Variants in AGBL4 observed in about 807,000 individuals in gnomAD.
The protein encoded by AGBL4 is AGBL carboxypeptidase 4, also known as cytosolic carboxypeptidase 6.
AGBL4 carries 58 observed loss-of-function variants against 66.4 expected under a neutral mutation model. The observed-to-expected ratio is 0.87, with a 90% CI of 0.71 to 1.09. AGBL4 has a LOEUF of 1.09. Among genes scored for constraint, AGBL4 ranks in the 50% least tolerant of loss-of-function variants. The probability of loss-of-function intolerance (pLI) is 0.00; values close to 1 mark genes in which losing one functional copy is unlikely to be tolerated. For synonymous variants in AGBL4, 234 were observed against 222.9 expected (o/e 1.05, Z -0.44); for missense variants, 579 against 631.0 (o/e 0.92, Z 0.88).
chr1:49,267,392 T>C (rs1298193266), intron 3 of AGBL4, among the ~76,000 whole-genome samples: 2 of 152,110 alleles, frequency 1.3e-5, no homozygotes, highest in Non-Finnish European at 2.9e-5. Context: ...GATAAAGACA[T>C]ACCCAAGGCG....
chr1:49,595,396 G>C (rs1191395713), intron 3 of AGBL4, among the ~76,000 whole-genome samples: 1 of 151,858 alleles, frequency 6.6e-6, no homozygotes, highest in Non-Finnish European at 1.5e-5. Context: ...GCCTCATTGT[G>C]GTTTTGATTA....
chr1:49,206,572 T>C (rs1183947609), intron 4 of AGBL4, among the ~76,000 whole-genome samples: 2 of 152,060 alleles, frequency 1.3e-5, no homozygotes, highest in Non-Finnish European at 2.9e-5. Flanking sequence ...ATTCTTTTGC[T>C]GCATTAATAG....
intron 6 of AGBL4, among the ~76,000 whole-genome samples, chr1:48,754,647 A>G (rs905525663): frequency 6.6e-6 from 1 of 152,186 alleles, no homozygotes; most frequent in African/African-American, 2.4e-5. Context: ...AAAAGTTTAC[A>G]TATGCAAATT....
intron 3 of AGBL4, among the ~76,000 whole-genome samples, chr1:49,512,190 T>C (rs1291273123): frequency 6.6e-6 from 1 of 151,938 alleles, no homozygotes; most frequent in African/African-American, 2.4e-5. Context: ...ATATTGAAAA[T>C]GTCCCTTAAA....
intron 5 of AGBL4, among the ~76,000 whole-genome samples, chr1:49,029,402 C>T (rs889282427): frequency 6.6e-5 from 10 of 151,536 alleles, no homozygotes; most frequent in African/African-American, 2.4e-4. Flanking sequence ...TATTTAAGTC[C>T]AAAACAAAAT....
chr1:49,762,322 T>C (rs764974839), intron 2 of AGBL4, among the ~76,000 whole-genome samples: 16 of 152,184 alleles, frequency 1.1e-4, no homozygotes, highest in Admixed American at 5.2e-4. Flanking sequence ...TCCTAATGAT[T>C]AGTGATGCTG....
intron 4 of AGBL4, among the ~76,000 whole-genome samples, chr1:49,211,545 A>G (rs1249665597): frequency 6.6e-6 from 1 of 152,144 alleles, no homozygotes; most frequent in Non-Finnish European, 1.5e-5. Context: ...AAAATACCTC[A>G]ACAAACAGTA....
At chr1:49,910,184 C>T (rs1650676971) in intron 1 of AGBL4, among the ~76,000 whole-genome samples, 2 of 152,164 alleles carry the variant, frequency 1.3e-5, no homozygotes, top group South Asian at 2.1e-4. Context: ...AAATGAGAAA[C>T]AAACAAGTGA....
intron 11 of AGBL4, among the ~76,000 whole-genome samples, chr1:48,545,780 T>C (rs935086968): frequency 6.6e-6 from 1 of 152,212 alleles, no homozygotes; most frequent in African/African-American, 2.4e-5. Flanking sequence ...ACTCCATGAC[T>C]TCCATACAGA....
chr1:49,476,240 T>C (rs1440847294), intron 3 of AGBL4, among the ~76,000 whole-genome samples: 1 of 152,104 alleles, frequency 6.6e-6, no homozygotes, highest in Non-Finnish European at 1.5e-5. Flanking sequence ...AGAGATCTTC[T>C]TGGTACTGAT....
chr1:48,554,027 G>C (rs996199324), intron 11 of AGBL4, among the ~76,000 whole-genome samples: 1 of 152,198 alleles, frequency 6.6e-6, no homozygotes, highest in East Asian at 1.9e-4. Flanking sequence ...AGATCCCTAG[G>C]AGGTAACTGC....
intron 6 of AGBL4, among the ~76,000 whole-genome samples, chr1:48,719,415 G>A (rs543449948): frequency 1.3e-5 from 2 of 152,314 alleles, no homozygotes; most frequent in African/African-American, 4.8e-5. Context: ...TCTCTCACCT[G>A]AGTTATTCCC....
chr1:48,792,792 A>G (rs1209462824), intron 6 of AGBL4, among the ~76,000 whole-genome samples: 1 of 152,234 alleles, frequency 6.6e-6, no homozygotes, highest in Non-Finnish European at 1.5e-5. Context: ...TTAGAAAACT[A>G]CAAATATTTA....
chr1:49,165,356 G>A (rs960189756), intron 4 of AGBL4, among the ~76,000 whole-genome samples: 1 of 152,124 alleles, frequency 6.6e-6, no homozygotes, highest in Non-Finnish European at 1.5e-5. Flanking sequence ...ACAAATTTGA[G>A]TTTACTTCAA....
At chr1:49,362,441 C>T (rs370316086) in intron 3 of AGBL4, among the ~76,000 whole-genome samples, 136 of 125,408 alleles carry the variant, frequency 1.1e-3, no homozygotes, top group African/African-American at 4.2e-3. Flanking sequence ...CAGAGCAAGA[C>T]CCTGTCTCAA....
rs377490027 is a variant in AGBL4, at chr1:49,121,421, T to C, written c.378-75621A>G. 3.5e-4 allele frequency among the ~76,000 whole-genome samples: 53 copies of C among 152,360 alleles called. 1 individual carries two copies. The South Asian group carries it at 9.5e-3, about 27-fold the overall frequency. On this transcript the variant is annotated intron_variant, in intron 4 of 13. Coordinates refer to ENST00000371839, the MANE Select transcript of AGBL4 (RefSeq NM_032785.4). ...TAGATGCCTTTTTTGTTGATGTTGATGCTATTCCTTTCCTTTGTCAGTTTT... is the reference window on the plus strand; with the variant it reads ...TAGATGCCTTTTTTGTTGATGTTGACGCTATTCCTTTCCTTTGTCAGTTTT...
intron 2 of AGBL4, among the ~76,000 whole-genome samples, chr1:49,826,513 T>C (rs1376157321): frequency 6.6e-6 from 1 of 152,206 alleles, no homozygotes; most frequent in Non-Finnish European, 1.5e-5. Flanking sequence ...TAGCTAAATA[T>C]AAGAATGAGT....
chr1:49,979,246 G>A (rs1658849379), intron 1 of AGBL4, among the ~76,000 whole-genome samples: 1 of 151,948 alleles, frequency 6.6e-6, no homozygotes, highest in South Asian at 2.1e-4. Flanking sequence ...TGGATCATGA[G>A]GTCAGGAGAT....
intron 5 of AGBL4, among the ~76,000 whole-genome samples, chr1:48,907,945 G>C (rs1355298380): frequency 6.6e-6 from 1 of 152,106 alleles, no homozygotes; most frequent in Non-Finnish European, 1.5e-5. Flanking sequence ...CAGAAGTATG[G>C]AGTGTTAAAA....
Sources: gnomAD v4.1 joint callset for allele counts (sites outside exome capture counted in the v4.1 genomes callset) on GRCh38, gnomAD v4.1.1 for gene constraint, MANE v1.5 for transcripts, NCBI Gene and HGNC (gene_info 2026-07-23, HGNC 2026-07-21) for gene names.